KIF9: variants seen among roughly 807,000 people sequenced by gnomAD.
KIF9 encodes kinesin-like protein KIF9.
A neutral mutation model predicts 94.8 loss-of-function variants in KIF9; 68 were observed. That is an observed-to-expected ratio of 0.72 (90% CI 0.59 to 0.88). The LOEUF is 0.88. Ranked by LOEUF, KIF9 falls within the 40% of genes least tolerant of loss-of-function variation. The pLI is 0.00. For missense variants in KIF9, 882 were observed against 982.5 expected (o/e 0.90, Z 1.37); for synonymous variants, 343 against 362.1 (o/e 0.95, Z 0.60).
chr3:47,237,055 T>C (rs1306423064), intron 17 of KIF9, among the ~76,000 whole-genome samples: 1 of 152,218 alleles, frequency 6.6e-6, no homozygotes, highest in South Asian at 2.1e-4. Flanking sequence ...CAGCAGATGT[T>C]CAAATTGTCT....
At position 47,242,962 on chromosome 3, in the gene KIF9, T is replaced by G. The variant is rs1699673236; in HGVS notation, c.1709+89A>C. ...CTTTGCCTATTATTTCTTATTTTATTTCTCTTTTATCTGCAGGTACTCTTC... is the reference window on the plus strand; with the variant it reads ...CTTTGCCTATTATTTCTTATTTTATGTCTCTTTTATCTGCAGGTACTCTTC... On this transcript the variant is annotated intron_variant, in intron 16 of 20. Transcript: ENST00000684063. 6.5e-6 allele frequency: 7 copies of G among 1,083,904 alleles called. No individual in the cohort carries two copies. In the South Asian group the frequency reaches 1.1e-4, roughly 17 times the overall value. 67.1% of individuals were successfully genotyped at this position (1,083,904 alleles called of 1,614,324 possible).
intron 20 of KIF9, among the ~76,000 whole-genome samples, chr3:47,233,196 A>C (rs1183179602): frequency 6.7e-6 from 1 of 150,238 alleles, no homozygotes; most frequent in Non-Finnish European, 1.5e-5. Flanking sequence ...CCCTGTCTTT[A>C]CTTAAAATAC....
At chr3:47,250,178 A>G (rs1381360107) in intron 10 of KIF9, among the ~76,000 whole-genome samples, 1 of 152,116 alleles carries the variant, frequency 6.6e-6, no homozygotes, top group African/African-American at 2.4e-5. Context: ...ACTTTCTGCA[A>G]TTATTGAAAT....
intron 1 of KIF9, among the ~76,000 whole-genome samples, chr3:47,279,464 A>C (rs1702183520): frequency 6.6e-6 from 1 of 151,138 alleles, no homozygotes; most frequent in South Asian, 2.1e-4. Context: ...GTGACAGAGC[A>C]AGCTCAGTCT....
At chr3:47,278,553 G>A (rs1219083132) in intron 1 of KIF9, among the ~76,000 whole-genome samples, 1 of 152,118 alleles carries the variant, frequency 6.6e-6, no homozygotes, top group Non-Finnish European at 1.5e-5. Flanking sequence ...CTTTTGGCTG[G>A]GTGCAATGGC....
chr3:47,248,982 C>A (rs946798145), intron 10 of KIF9, among the ~76,000 whole-genome samples: 5 of 152,136 alleles, frequency 3.3e-5, no homozygotes, highest in African/African-American at 7.2e-5. Flanking sequence ...GCAATCCTCT[C>A]GCCTCGGCCT....
chr3:47,244,930 T>C lies in KIF9; in HGVS notation c.1381-6A>G, dbSNP rs374833994. ...TCAACATCCACAAGCCCCGCCTACA[T>C]AGAGAGGCCAGCCAAAGGTCTGTGA... On this transcript the variant is annotated splice_polypyrimidine_tract_variant and splice_region_variant and intron_variant, in intron 14 of 20. Coordinates refer to ENST00000684063, the MANE Select transcript of KIF9 (RefSeq NM_182902.4). 4.3e-6 allele frequency: 7 copies of C among 1,613,776 alleles called. No homozygotes were observed. Among genetic ancestry groups the C allele is most frequent in the East Asian group, 4.5e-5 (2 of 44,888 alleles).
At chr3:47,269,515 C>G (rs990923939) in intron 5 of KIF9, among the ~76,000 whole-genome samples, 6 of 152,158 alleles carry the variant, frequency 3.9e-5, no homozygotes, top group Non-Finnish European at 5.9e-5. Flanking sequence ...CTCATGAGCT[C>G]AAGTGATCCA....
rs552803593 is a variant in KIF9 at position 47,263,432 on chromosome 3, C to T, written c.981+854G>A. On this transcript the variant is annotated intron_variant, in intron 9 of 20. Coordinates refer to ENST00000684063, the MANE Select transcript of KIF9 (RefSeq NM_182902.4). ...CTCCCCTACTCAAACCCTGTGACAG[C>T]TCCAGCCACCTGCAGGAAAACAGCC... Among the ~76,000 whole-genome samples, 12 of 152,298 alleles carry T rather than the reference C, an allele frequency of 7.9e-5. 1 individual carries two copies. In the East Asian group the frequency reaches 1.2e-3, roughly 15 times the overall value.
At chr3:47,236,280 A>G (rs990299976) in intron 18 of KIF9, 131 bp from the exon 19 acceptor site, 1 of 994,744 alleles carries the variant, frequency 1.0e-6, no homozygotes, top group Non-Finnish European at 1.5e-6. Flanking sequence ...CCCCATCTCC[A>G]TCTCTGGCCC....
intron 8 of KIF9, 77 bp from the exon 9 acceptor site, chr3:47,264,427 A>G (rs1405003343): frequency 8.6e-7 from 1 of 1,161,342 alleles, no homozygotes; most frequent in Non-Finnish European, 1.3e-6. Flanking sequence ...GGTCTGTTAT[A>G]TACTGAATGC....
chr3:47,279,125 C>T (rs942175865), intron 1 of KIF9, among the ~76,000 whole-genome samples: 1 of 143,506 alleles, frequency 7.0e-6, no homozygotes, highest in Admixed American at 7.2e-5. Context: ...CATACCACTG[C>T]ACTCCAGCCT....
rs1432429196 is a variant in KIF9, at chr3:47,268,961, A to AG, written c.592-1699dup. On this transcript the variant is annotated intron_variant, in intron 5 of 20. Transcript: ENST00000684063. ...TTCTTTTTTTGTATTTTTAATAGAGAGGGGGTTTCACCATGTTGGCCAGGC... is the reference window on the plus strand; with the variant it reads ...TTCTTTTTTTGTATTTTTAATAGAGAGGGGGGTTTCACCATGTTGGCCAGGC... 4.6e-5 allele frequency among the ~76,000 whole-genome samples: 7 copies of AG among 152,120 alleles called. No homozygotes were observed. In the East Asian group the frequency reaches 1.4e-3, roughly 29 times the overall value.
chr3:47,238,067 T>G (rs1225216979), intron 17 of KIF9, among the ~76,000 whole-genome samples: 2 of 152,208 alleles, frequency 1.3e-5, no homozygotes, highest in East Asian at 1.9e-4. Context: ...TTAAAGATGA[T>G]TTTACATTTT....
intron 15 of KIF9, 84 bp downstream of exon 15, chr3:47,244,707 G>C: frequency 6.6e-7 from 1 of 1,510,712 alleles, no homozygotes; most frequent in Non-Finnish European, 9.1e-7. Flanking sequence ...GACACCAGGG[G>C]GAAAGTGGGA....
intron 3 of KIF9, among the ~76,000 whole-genome samples, chr3:47,274,451 GC>G (rs1447853874): frequency 6.6e-6 from 1 of 152,242 alleles, no homozygotes. Context: ...TGGCAGATCT[GC>G]CCAGGCAATG....
chr3:47,237,280 G>T (rs1035398925), intron 17 of KIF9, among the ~76,000 whole-genome samples: 1 of 152,172 alleles, frequency 6.6e-6, no homozygotes, highest in African/African-American at 2.4e-5. Context: ...TTGTAGTAGA[G>T]ACAGGGTTTC....
At chr3:47,261,331 C>T (rs1465119308) in intron 9 of KIF9, among the ~76,000 whole-genome samples, 2 of 152,120 alleles carry the variant, frequency 1.3e-5, no homozygotes, top group African/African-American at 4.8e-5. Context: ...CCTGGGGGGT[C>T]GCAGCAGAGT....
At position 47,228,508 on chromosome 3, in the gene KIF9, C is replaced by T. The variant is rs1698318410; in HGVS notation, c.*144G>A. Reference sequence around the variant, plus strand: ...GGTTGTCCTTGGAGGATGCTCCTCCCAACATGCAGGCCAAATGTGTTCTCT... The same window carrying T: ...GGTTGTCCTTGGAGGATGCTCCTCCTAACATGCAGGCCAAATGTGTTCTCT... On this transcript the variant is annotated 3_prime_UTR_variant, in exon 21 of 21. Coordinates refer to ENST00000684063, the MANE Select transcript of KIF9 (RefSeq NM_182902.4). The T allele has an allele frequency of 1.4e-6, 1 of 733,270 alleles. No individual in the cohort carries two copies. The highest frequency in any genetic ancestry group is 2.5e-5 in the East Asian group (1 of 40,296). 45.4% of individuals were successfully genotyped at this position (733,270 alleles called of 1,614,324 possible).
Sources: gnomAD v4.1 joint callset for allele counts (sites outside exome capture counted in the v4.1 genomes callset) on GRCh38, gnomAD v4.1.1 for gene constraint, MANE v1.5 for transcripts, NCBI Gene and HGNC (gene_info 2026-07-23, HGNC 2026-07-21) for gene names.